ZNF484: variants seen among roughly 807,000 people sequenced by gnomAD.
ZNF484 encodes the protein KRAB box containing C2H2 type zinc finger bA526D8.4.
In ZNF484, 11 loss-of-function variants were observed where a neutral mutation model predicts 12.9. The observed-to-expected ratio is 0.85, with a 90% CI of 0.54 to 1.41. The LOEUF is 1.41. Ranked by LOEUF, ZNF484 falls within the 40% of genes most tolerant of loss-of-function variation. The pLI is 0.00. For missense variants in ZNF484, 807 were observed against 1,007.7 expected, an observed-to-expected ratio of 0.80 and a Z score of 2.70; for synonymous variants, 289 against 334.1, an observed-to-expected ratio of 0.86 and a Z score of 1.47.
At chr9:92,877,610 T>TCCCATAGTC (rs1857904781) in intron 1 of ZNF484, among the ~76,000 whole-genome samples, 3 of 152,104 alleles carry the variant, frequency 2.0e-5, no homozygotes, top group South Asian at 4.2e-4. Context: ...CCTCCTTAGT[T>TCCCATAGTC]CCCATAGTCA....
chr9:92,847,592 G>C lies in ZNF484; in HGVS notation c.1195C>G (p.Leu399Val). Reference protein sequence around the residue: ...CGKAFTRKSTLSMHQKIHTGE... With the variant: ...CGKAFTRKSTVSMHQKIHTGE... Reference sequence around the variant, plus strand: ...GTATGGATTTTCTGATGCATACTTAGTGTTGATTTCCTTGTGAAAGCTTTT... The same window carrying C: ...GTATGGATTTTCTGATGCATACTTACTGTTGATTTCCTTGTGAAAGCTTTT... Residue 399 changes from leucine (L) to valine (V), a missense_variant, in exon 5 of 5, where the codon CTA (leucine) becomes GTA (valine). By Grantham distance (32) the Leu-to-Val change is conservative (BLOSUM62 1). Transcript: ENST00000375495. 1 of 1,614,106 alleles carries C rather than the reference G, an allele frequency of 6.2e-7. No individual in the cohort carries two copies. The highest frequency in any genetic ancestry group is 1.1e-5 in the South Asian group (1 of 91,076).
At chr9:92,855,487 A>G (rs1349751736) in intron 4 of ZNF484, among the ~76,000 whole-genome samples, 1 of 152,250 alleles carries the variant, frequency 6.6e-6, no homozygotes, top group African/African-American at 2.4e-5. Flanking sequence ...GGTAGAAAGA[A>G]TAAAACTTTT....
rs528016803 is a variant in ZNF484 at position 92,867,470 on chromosome 9, G to C, written c.15+7545C>G. ...GCACTCCAGCCTGGGCAACAAGAGC[G>C]AAACTCCATCTCAAAAAACAAAGCA... On this transcript the variant is annotated intron_variant, in intron 2 of 4. Coordinates refer to ENST00000375495, the MANE Select transcript of ZNF484 (RefSeq NM_031486.4). Among the ~76,000 whole-genome samples the C allele has an allele frequency of 2.6e-5, 4 of 152,026 alleles. No homozygotes were observed. In the East Asian group the frequency reaches 7.7e-4, roughly 29 times the overall value.
Position 92,877,931 on chromosome 9 carries a change from C to G in ZNF484, c.-72G>C, listed in dbSNP as rs1466114983. The G allele has an allele frequency of 2.0e-6, 3 of 1,498,856 alleles. No homozygotes were observed. The highest frequency in any genetic ancestry group is 1.8e-6 in the Non-Finnish European group (2 of 1,114,660). The allele number at this position is 1,498,856 out of a possible 1,614,324, so 92.8% of individuals were successfully genotyped here. A position where few individuals can be genotyped will look rare whatever the true frequency, so the allele number is the denominator to read the frequency against. On this transcript the variant is annotated 5_prime_UTR_variant, in exon 1 of 5. Transcript: ENST00000375495. ...TCCTCTCAGGACAGTGGTCATTTGC[C>G]TCGGGAGGTGACTATAGTCGCAAGA... is the stretch of plus-strand genomic sequence containing the variant.
intron 2 of ZNF484, among the ~76,000 whole-genome samples, chr9:92,867,566 C>A (rs556697517): frequency 1.3e-5 from 2 of 152,094 alleles, no homozygotes; most frequent in Admixed American, 6.5e-5. Flanking sequence ...CACCATGGCA[C>A]GCATATACCT....
chr9:92,847,160 G>A lies in ZNF484; in HGVS notation c.1627C>T (p.Gln543Ter), dbSNP rs746901403. The change falls in exon 5 of 5, where the codon CAG becomes TAG. Residue 543 changes from glutamine to a stop codon, truncating the protein, a stop_gained. Coordinates refer to ENST00000375495, the MANE Select transcript of ZNF484 (RefSeq NM_031486.4). LOFTEE classifies it low-confidence loss of function (END_TRUNC). ...FTWKSRLRIH[Q>*]KCHTGERHYE... ...TGTCTCTCTCCAGTATGACACTTCTGATGTATCCTGAGCCGAGACTTCCAG... is the reference window on the plus strand; with the variant it reads ...TGTCTCTCTCCAGTATGACACTTCTAATGTATCCTGAGCCGAGACTTCCAG... The A allele has an allele frequency of 6.2e-6, 10 of 1,613,876 alleles. No individual in the cohort carries two copies. The highest frequency in any genetic ancestry group is 1.6e-4 in the Middle Eastern group (1 of 6,084).
Position 92,847,302 on chromosome 9 carries a change from G to A in ZNF484, c.1485C>T (p.Pro495=), listed in dbSNP as rs148171351. 2.2e-4 allele frequency: 357 copies of A among 1,613,814 alleles called. No individual in the cohort carries two copies. The African/African-American group carries it at 4.3e-3, about 19-fold the overall frequency. The change falls in exon 5 of 5, where the codon CCC becomes CCT. Residue 495 remains proline, a synonymous_variant. Transcript: ENST00000375495. ...CCTTACCACACACAGTACATATATAGGGTCTTTCTCCTGTATGAATTTTCT... is the reference window on the plus strand; with the variant it reads ...CCTTACCACACACAGTACATATATAAGGTCTTTCTCCTGTATGAATTTTCT... The part of the protein sequence containing the change: ...IHQKIHTGER[P]YICTVCGKAF...
chr9:92,873,980 C>T (rs974631455), intron 2 of ZNF484, among the ~76,000 whole-genome samples: 8 of 152,050 alleles, frequency 5.3e-5, no homozygotes, highest in South Asian at 4.1e-4. Context: ...ATGGATGCAA[C>T]GCTGGTTCAA....
Position 92,844,400 on chromosome 9 carries a change from C to T in ZNF484, c.*1828G>A, listed in dbSNP as rs144831690. Among the ~76,000 whole-genome samples, 443 of 152,222 alleles carry T rather than the reference C, an allele frequency of 2.9e-3. 3 individuals are homozygous for T. Among genetic ancestry groups the T allele is most frequent in the African/African-American group, 0.01 (420 of 41,552 alleles). ...AGGAATTTCCCCAAATGCACATGTG[C>T]ACACACGTACACGCACACGTGCACA... On this transcript the variant is annotated 3_prime_UTR_variant, in exon 5 of 5. Coordinates refer to ENST00000375495, the MANE Select transcript of ZNF484 (RefSeq NM_031486.4).
chr9:92,872,771 TA>T (rs56991443), intron 2 of ZNF484, among the ~76,000 whole-genome samples: 7,759 of 148,636 alleles, frequency 0.052, 350 homozygotes, highest in East Asian at 0.21. Context: ...TATAGAACTG[TA>T]AAAAAAAAAA....
At chr9:92,855,604 AAAG>A (rs1564105385) in intron 4 of ZNF484, among the ~76,000 whole-genome samples, 2 of 152,224 alleles carry the variant, frequency 1.3e-5, no homozygotes, top group South Asian at 2.1e-4. Context: ...AAAGCCAAGC[AAAG>A]AAGAAGGCAT....
chr9:92,871,944 G>A (rs892158544), intron 2 of ZNF484, among the ~76,000 whole-genome samples: 8 of 152,154 alleles, frequency 5.3e-5, no homozygotes, highest in African/African-American at 1.9e-4. Flanking sequence ...AGTTAAAGCA[G>A]GAGGGCCAGG....
intron 2 of ZNF484, chr9:92,862,225 G>C: frequency 1.2e-6 from 1 of 805,776 alleles, no homozygotes; most frequent in Non-Finnish European, 1.5e-6. Context: ...TAATTACTTA[G>C]GTAATTCTTA....
chr9:92,872,365 C>T (rs1587770361), intron 2 of ZNF484, among the ~76,000 whole-genome samples: 1 of 91,838 alleles, frequency 1.1e-5, no homozygotes, highest in Non-Finnish European at 2.0e-5. Flanking sequence ...GGGCCACAAA[C>T]TGAAATGTGA....
intron 4 of ZNF484, among the ~76,000 whole-genome samples, chr9:92,851,799 A>G (rs1424199520): frequency 6.6e-6 from 1 of 152,172 alleles, no homozygotes; most frequent in African/African-American, 2.4e-5. Context: ...TTCATTAATC[A>G]TTTGGGGTTC....
chr9:92,863,052 G>GAC, intron 2 of ZNF484, among the ~76,000 whole-genome samples: 2 of 152,154 alleles, frequency 1.3e-5, no homozygotes, highest in Non-Finnish European at 2.9e-5. Context: ...TAAAGAAAAT[G>GAC]TGGCACATAT....
rs965927444 is a variant in ZNF484, at chr9:92,848,518, C to G, written c.269G>C (p.Arg90Thr). 1 of 1,608,306 alleles carries G rather than the reference C, an allele frequency of 6.2e-7. No individual in the cohort carries two copies. Among genetic ancestry groups the G allele is most frequent in the Non-Finnish European group, 8.5e-7 (1 of 1,178,874 alleles). Residue 90 changes from arginine (R) to threonine (T), a missense_variant, in exon 5 of 5, where the codon AGG (arginine) becomes ACG (threonine). Arg to Thr is a moderately conservative substitution (Grantham distance 71). Coordinates refer to ENST00000375495, the MANE Select transcript of ZNF484 (RefSeq NM_031486.4). This position sits in a 1 kb window ranked among gnomAD's most constrained non-coding sequence, Gnocchi z 4.1. ...GDIGFGPLQQ[R>T]MSEEVSFQSE... ...CTGGAAAGAAACTTCTTCAGACATC[C>G]TCTGTTGTAAAGGTCCAAAACCAAT... is the stretch of plus-strand genomic sequence containing the variant.
intron 2 of ZNF484, among the ~76,000 whole-genome samples, chr9:92,872,755 C>G (rs551989564): frequency 5.1e-4 from 75 of 147,368 alleles, no homozygotes; most frequent in African/African-American, 1.8e-3. Flanking sequence ...TGTTGGCCTT[C>G]TAAAATATAG....
chr9:92,864,288 T>C (rs1234938093), intron 2 of ZNF484, among the ~76,000 whole-genome samples: 1 of 152,120 alleles, frequency 6.6e-6, no homozygotes, highest in African/African-American at 2.4e-5. Flanking sequence ...ATGTCAGTTT[T>C]TAAAGGAGAA....
Sources: gnomAD v4.1 joint callset for allele counts (sites outside exome capture counted in the v4.1 genomes callset) on GRCh38, gnomAD v4.1.1 for gene constraint, Gnocchi (gnomAD v3.1) non-coding constraint, MANE v1.5 for transcripts, NCBI Gene and HGNC (gene_info 2026-07-23, HGNC 2026-07-21) for gene names.